The following CGNL1 variants were observed in gnomAD, a reference collection of about 807,000 sequenced individuals.
The protein encoded by CGNL1 is cingulin-like protein 1.
A neutral mutation model predicts 141.2 loss-of-function variants in CGNL1; 132 were observed. That is an observed-to-expected ratio of 0.93 (90% CI 0.81 to 1.08). The LOEUF (loss-of-function observed/expected upper bound fraction) is 1.08, where lower values mean the gene tolerates loss of function less well. Ranked by LOEUF, CGNL1 falls within the 50% of genes least tolerant of loss-of-function variation. The pLI is 0.00. For synonymous variants in CGNL1, 690 were observed against 622.1 expected (o/e 1.11, Z -1.63); for missense variants, 1,870 against 1,588.6 (o/e 1.18, Z -3.01).
At chr15:57,379,629 T>A (rs1046078262) in intron 1 of CGNL1, among the ~76,000 whole-genome samples, 5 of 152,170 alleles carry the variant, frequency 3.3e-5, no homozygotes, top group African/African-American at 7.2e-5. Flanking sequence ...TTTCTTTTCA[T>A]CTTCTGATCT....
chr15:57,511,764 G>A (rs2030327031), intron 8 of CGNL1, among the ~76,000 whole-genome samples: 1 of 152,202 alleles, frequency 6.6e-6, no homozygotes, highest in Non-Finnish European at 1.5e-5. Flanking sequence ...ATCTGGTGCG[G>A]TGTTTTCAAC....
intron 5 of CGNL1, among the ~76,000 whole-genome samples, 192 bp downstream of exon 5, chr15:57,451,793 A>G (rs1274641975): frequency 6.6e-6 from 1 of 152,062 alleles, no homozygotes; most frequent in African/African-American, 2.4e-5. Context: ...TAATGTAACC[A>G]AAGCCTATAG....
Position 57,452,308 on chromosome 15 carries a change from G to A in CGNL1, c.2054+19G>A, listed in dbSNP as rs1342873540. 2 of 1,607,388 alleles carry A rather than the reference G, an allele frequency of 1.2e-6. No individual in the cohort carries two copies. Among genetic ancestry groups the A allele is most frequent in the Non-Finnish European group, 1.7e-6 (2 of 1,177,014 alleles). ...TGGAGGAGTAAGTTCTGGGCTGAGA[G>A]CCTGTTGCCCTTCCCAGGTTCTCTA... On this transcript the variant is annotated intron_variant, in intron 6 of 18. Coordinates refer to ENST00000281282, the MANE Select transcript of CGNL1 (RefSeq NM_032866.5).
At chr15:57,427,966 C>T (rs1286358951) in intron 1 of CGNL1, among the ~76,000 whole-genome samples, 20 of 144,074 alleles carry the variant, frequency 1.4e-4, no homozygotes, top group Admixed American at 1.1e-3. Context: ...TTATGGAAAA[C>T]CTTGACTTTT....
chr15:57,546,085 C>T lies in CGNL1; in HGVS notation c.3619C>T (p.Arg1207Cys), dbSNP rs1305435252. The T allele has an allele frequency of 5.0e-6, 8 of 1,612,686 alleles. No individual in the cohort carries two copies. The highest frequency in any genetic ancestry group is 2.2e-5 in the South Asian group (2 of 90,810). ...LTDQKDQLSL[R>C]LKAMKRQVEE... The stretch of plus-strand genomic sequence containing the variant: ...TTCTCTCCCGGTGCAGCTGAGCTTG[C>T]GTTTGAAAGCCATGAAGCGGCAGGT... Residue 1207 changes from arginine to cysteine, a missense_variant, in exon 18 of 19, where the codon CGT (arginine) becomes TGT (cysteine). Coordinates refer to ENST00000281282, the MANE Select transcript of CGNL1 (RefSeq NM_032866.5).
At chr15:57,403,345 C>A (rs1359388565) in intron 1 of CGNL1, among the ~76,000 whole-genome samples, 1 of 152,182 alleles carries the variant, frequency 6.6e-6, no homozygotes, top group Non-Finnish European at 1.5e-5. Context: ...TTTTTGCAAG[C>A]ATGGGAGTGT....
At chr15:57,386,075 C>T (rs1871361331) in intron 1 of CGNL1, among the ~76,000 whole-genome samples, 2 of 152,266 alleles carry the variant, frequency 1.3e-5, no homozygotes, top group East Asian at 1.9e-4. Flanking sequence ...GGTTTCCCCA[C>T]AGGTGCCCCT....
rs2033062485 is a variant in CGNL1 at position 57,550,427 on chromosome 15, A to G, written c.*2937A>G. ...TTAAGAACTAACCCCGATCAAGAGT[A>G]TTTTCTTTAGCTAGCTTAAAAAGAA... On this transcript the variant is annotated 3_prime_UTR_variant, in exon 19 of 19. Transcript: ENST00000281282. 1 of 152,610 alleles carries G rather than the reference A, an allele frequency of 6.6e-6. No individual in the cohort carries two copies. Among genetic ancestry groups the G allele is most frequent in the Admixed American group, 6.5e-5 (1 of 15,278 alleles). 9.5% of individuals were successfully genotyped at this position (152,610 alleles called of 1,614,324 possible).
Position 57,547,387 on chromosome 15 carries a change from A to C in CGNL1, c.3806A>C (p.Asp1269Ala). Residue 1269 changes from aspartate (D) to alanine (A), a missense_variant, in exon 19 of 19, where the codon GAC (aspartate) becomes GCC (alanine). By Grantham distance (126) the Asp-to-Ala change is moderately radical (BLOSUM62 -2). Transcript: ENST00000281282. ...LKKLPSKVLD[D>A]MDDDDDLSTD... ...AAGCTGCCGAGTAAAGTGCTGGATG[A>C]CATGGATGACGACGATGACCTCAGC... 6.2e-7 allele frequency: 1 copy of C among 1,614,248 alleles called. No individual in the cohort carries two copies.
intron 4 of CGNL1, among the ~76,000 whole-genome samples, chr15:57,450,592 T>C (rs374543404): frequency 2.5e-4 from 38 of 152,260 alleles, no homozygotes; most frequent in African/African-American, 8.9e-4. Flanking sequence ...TTGTTTTAAT[T>C]TGCAATTTCC....
intron 8 of CGNL1, among the ~76,000 whole-genome samples, chr15:57,465,264 G>A (rs1346651058): frequency 1.3e-5 from 2 of 151,544 alleles, no homozygotes; most frequent in African/African-American, 4.9e-5. Context: ...GGAGGAGAGT[G>A]AATTAAATAT....
rs1299415148 is a variant in CGNL1 at position 57,403,909 on chromosome 15, C to A, written c.-16+27342C>A. On this transcript the variant is annotated intron_variant, in intron 1 of 18. Coordinates refer to ENST00000281282, the MANE Select transcript of CGNL1 (RefSeq NM_032866.5). ...ATGCACAGCCCCAGAGCCTAGTTGC[C>A]TCCCCTGACCCCCTCCAAGCCTTCC... 1.3e-5 allele frequency among the ~76,000 whole-genome samples: 2 copies of A among 152,204 alleles called. 1 individual carries two copies. The highest frequency in any genetic ancestry group is 4.1e-4 in the South Asian group (2 of 4,834).
At chr15:57,517,170 C>T (rs1194180246) in intron 9 of CGNL1, among the ~76,000 whole-genome samples, 184 bp downstream of exon 9, 1 of 152,102 alleles carries the variant, frequency 6.6e-6, no homozygotes. Flanking sequence ...GACAGGGAGG[C>T]CAGGGAACAG....
At chr15:57,539,962 C>G (rs367909192) in intron 14 of CGNL1, among the ~76,000 whole-genome samples, 40 of 152,310 alleles carry the variant, frequency 2.6e-4, no homozygotes, top group African/African-American at 9.6e-4. Flanking sequence ...TAATACTATT[C>G]AAATCCGCAG....
intron 18 of CGNL1, 101 bp downstream of exon 18, chr15:57,546,340 C>A (rs1361555136): frequency 7.4e-7 from 1 of 1,357,168 alleles, no homozygotes; most frequent in Non-Finnish European, 9.9e-7. Flanking sequence ...CAAGCCAGCT[C>A]CTCATTGTTG....
intron 14 of CGNL1, among the ~76,000 whole-genome samples, chr15:57,538,567 G>A (rs1387312226): frequency 1.3e-5 from 2 of 152,178 alleles, no homozygotes; most frequent in Non-Finnish European, 2.9e-5. Flanking sequence ...ATGCTGCCAT[G>A]CTAAGTGCTG....
chr15:57,523,791 T>G, intron 11 of CGNL1, 150 bp downstream of exon 11: 1 of 783,226 alleles, frequency 1.3e-6, no homozygotes, highest in Non-Finnish European at 2.0e-6. Flanking sequence ...GGCAGCTCTT[T>G]GGATTTGTTG....
intron 8 of CGNL1, among the ~76,000 whole-genome samples, chr15:57,471,590 G>T (rs1256691501): frequency 6.6e-6 from 1 of 152,238 alleles, no homozygotes; most frequent in Admixed American, 6.5e-5. Context: ...AAGCACAGCT[G>T]AGGAGCTTGG....
rs766576603 is a variant in CGNL1, at chr15:57,440,464, A to G, written c.1690A>G (p.Lys564Glu). The G allele has an allele frequency of 3.0e-5, 48 of 1,584,000 alleles. No homozygotes were observed. The highest frequency in any genetic ancestry group is 3.5e-5 in the Non-Finnish European group (41 of 1,162,050). ...TAAGCAGATTCTCTACAATTACCTC[A>G]AAGAAGGGTTAGTGATTTTCCCTCT... ...TAKQILYNYL[K>E]EGSTDNDDAT... is the part of the protein sequence containing the mutation. Residue 564 changes from lysine (K) to glutamate (E), a missense_variant, in exon 3 of 19, where the codon AAA (lysine) becomes GAA (glutamate). Coordinates refer to ENST00000281282, the MANE Select transcript of CGNL1 (RefSeq NM_032866.5).
Sources: allele counts gnomAD v4.1 joint callset (sites outside exome capture counted in the v4.1 genomes callset), GRCh38; gene constraint gnomAD v4.1.1; transcripts MANE v1.5; gene names NCBI Gene and HGNC (gene_info 2026-07-23, HGNC 2026-07-21).